CTIF: variants seen among roughly 807,000 people sequenced by gnomAD.
CTIF encodes the protein CBP80/20-dependent translation initiation factor.
CTIF carries 21 observed loss-of-function variants against 66.0 expected under a neutral mutation model. The observed-to-expected ratio is 0.32, with a 90% CI of 0.23 to 0.46. The LOEUF (loss-of-function observed/expected upper bound fraction) is 0.46, where lower values mean the gene tolerates loss of function less well. Ranked by LOEUF, CTIF falls within the 20% of genes least tolerant of loss-of-function variation. The pLI, the probability that CTIF is intolerant of heterozygous loss-of-function variation, is 1.00. For synonymous variants in CTIF, 345 were observed against 326.4 expected, an observed-to-expected ratio of 1.06 and a Z score of -0.62; for missense variants, 739 against 812.7, an observed-to-expected ratio of 0.91 and a Z score of 1.10.
intron 6 of CTIF, among the ~76,000 whole-genome samples, chr18:48,709,508 C>T (rs1462956211): frequency 6.6e-6 from 1 of 152,232 alleles, no homozygotes; most frequent in African/African-American, 2.4e-5. Context: ...GCTCGTGTTA[C>T]ACTAGGGGCT....
rs969210918 is a variant in CTIF, at chr18:48,594,823, C to T, written c.-28-24715C>T. 2.0e-5 allele frequency among the ~76,000 whole-genome samples: 3 copies of T among 152,244 alleles called. No individual in the cohort carries two copies. In the East Asian group the frequency reaches 5.8e-4, roughly 29 times the overall value. On this transcript the variant is annotated intron_variant, in intron 1 of 11. Coordinates refer to ENST00000256413, the MANE Select transcript of CTIF (RefSeq NM_014772.3). ...GAGAACTGCCCCGCTTGGGCCTCCT[C>T]CTCACCTGGTGCGTTCAGTCAGGCT...
rs989793810 is a variant in CTIF at position 48,860,313 on chromosome 18, G to A, written c.*754G>A. On this transcript the variant is annotated 3_prime_UTR_variant, in exon 12 of 12. Coordinates refer to ENST00000256413, the MANE Select transcript of CTIF (RefSeq NM_014772.3). ...GTCTCTTTGGCCAATGAAAATGCCCGTGATGTGATCACACAGTCAGCACTG... is the reference window on the plus strand; with the variant it reads ...GTCTCTTTGGCCAATGAAAATGCCCATGATGTGATCACACAGTCAGCACTG... The A allele has an allele frequency of 3.6e-6, 1 of 280,432 alleles. No homozygotes were observed. The highest frequency in any genetic ancestry group is 3.8e-5 in the South Asian group (1 of 26,268). The allele number at this position is 280,432 out of a possible 1,614,324, so 17.4% of individuals were successfully genotyped here.
At chr18:48,632,759 G>C (rs1268856563) in intron 2 of CTIF, among the ~76,000 whole-genome samples, 1 of 152,022 alleles carries the variant, frequency 6.6e-6, no homozygotes, top group Admixed American at 6.5e-5. Flanking sequence ...CCCCTGCCGA[G>C]AGCACACTCT....
chr18:48,637,461 T>G (rs961612327), intron 3 of CTIF, among the ~76,000 whole-genome samples: 1 of 152,184 alleles, frequency 6.6e-6, no homozygotes, highest in African/African-American at 2.4e-5. Flanking sequence ...AGCCTCCGAC[T>G]ATGCCTGTCT....
chr18:48,586,413 G>A (rs2089770034), intron 1 of CTIF, among the ~76,000 whole-genome samples: 1 of 151,952 alleles, frequency 6.6e-6, no homozygotes, highest in Admixed American at 6.6e-5. Flanking sequence ...TGGGATTACA[G>A]GCGTATGCCA....
chr18:48,762,533 G>A (rs1302922078), intron 9 of CTIF, among the ~76,000 whole-genome samples: 1 of 152,204 alleles, frequency 6.6e-6, no homozygotes, highest in Non-Finnish European at 1.5e-5. Flanking sequence ...TCTTGGCTGG[G>A]GGAGAGCCAT....
intron 9 of CTIF, among the ~76,000 whole-genome samples, chr18:48,811,291 C>T (rs1291007222): frequency 6.6e-6 from 1 of 152,114 alleles, no homozygotes; most frequent in Non-Finnish European, 1.5e-5. Context: ...AATAAGTCTA[C>T]CTGGTTGTAG....
intron 1 of CTIF, among the ~76,000 whole-genome samples, chr18:48,560,882 A>T (rs755227274): frequency 6.6e-6 from 1 of 152,116 alleles, no homozygotes; most frequent in Non-Finnish European, 1.5e-5. Context: ...ATCCTTCCTT[A>T]TTACAGACCT....
At chr18:48,652,592 C>G (rs2091176684) in intron 3 of CTIF, among the ~76,000 whole-genome samples, 1 of 152,004 alleles carries the variant, frequency 6.6e-6, no homozygotes, top group Non-Finnish European at 1.5e-5. Context: ...TGAAACTATT[C>G]CAATCGAAAA....
At position 48,859,921 on chromosome 18, in the gene CTIF, CA is replaced by C. The variant is rs2069423585; in HGVS notation, c.*363del. 2.0e-6 allele frequency: 1 copy of C among 496,108 alleles called. No homozygotes were observed. Among genetic ancestry groups the C allele is most frequent in the African/African-American group, 1.9e-5 (1 of 51,750 alleles). The allele number at this position is 496,108 out of a possible 1,614,324, so 30.7% of individuals were successfully genotyped here. A position where few individuals can be genotyped will look rare whatever the true frequency, so the allele number is the denominator to read the frequency against. Reference sequence around the variant, plus strand: ...CGCTGTGACTCCTCGGAGACCTTGGCAGCCTCGCACGCCGGGGCACCGCTTG... The same window carrying C: ...CGCTGTGACTCCTCGGAGACCTTGGCGCCTCGCACGCCGGGGCACCGCTTG... On this transcript the variant is annotated 3_prime_UTR_variant, in exon 12 of 12. Transcript: ENST00000256413.
chr18:48,644,052 G>A (rs886428036), intron 3 of CTIF, among the ~76,000 whole-genome samples: 34 of 152,110 alleles, frequency 2.2e-4, no homozygotes, highest in Admixed American at 6.5e-5. Flanking sequence ...TCCAGCTGAC[G>A]GTTTTTATTT....
chr18:48,688,812 G>A (rs1032444168), intron 6 of CTIF, among the ~76,000 whole-genome samples: 1 of 152,248 alleles, frequency 6.6e-6, no homozygotes, highest in Non-Finnish European at 1.5e-5. Context: ...CATCAAGTAG[G>A]TGTCTTTGAA....
intron 9 of CTIF, among the ~76,000 whole-genome samples, chr18:48,763,307 G>C (rs1010628614): frequency 8.5e-5 from 13 of 152,260 alleles, no homozygotes; most frequent in African/African-American, 3.1e-4. Flanking sequence ...GGGGAGGGCA[G>C]CTGGCTGCAG....
chr18:48,592,736 G>T (rs1192970379), intron 1 of CTIF, among the ~76,000 whole-genome samples: 1 of 152,240 alleles, frequency 6.6e-6, no homozygotes, highest in Non-Finnish European at 1.5e-5. Context: ...CCTCTGCCTG[G>T]CAGTGCTGAG....
chr18:48,615,856 G>A (rs2090389956), intron 1 of CTIF, among the ~76,000 whole-genome samples: 1 of 152,226 alleles, frequency 6.6e-6, no homozygotes, highest in South Asian at 2.1e-4. Flanking sequence ...TAGAAGGAAT[G>A]GCCGAGAGGA....
At chr18:48,665,210 G>A (rs1224367916) in intron 5 of CTIF, among the ~76,000 whole-genome samples, 2 of 152,208 alleles carry the variant, frequency 1.3e-5, no homozygotes, top group Non-Finnish European at 2.9e-5. Context: ...CACCGCGCCC[G>A]GCCTGAGGCT....
intron 10 of CTIF, among the ~76,000 whole-genome samples, chr18:48,836,311 C>T (rs1328236037): frequency 1.3e-5 from 2 of 152,160 alleles, no homozygotes; most frequent in Admixed American, 1.3e-4. Flanking sequence ...AGGCCCTGGG[C>T]TGCCCTTCAG....
Position 48,623,815 on chromosome 18 carries a change from G to A in CTIF, c.180+4070G>A, listed in dbSNP as rs75771127. Among the ~76,000 whole-genome samples, 801 of 152,170 alleles carry A rather than the reference G, an allele frequency of 5.3e-3. 5 individuals are homozygous for A. Among genetic ancestry groups the A allele is most frequent in the Middle Eastern group, 0.031 (9 of 294 alleles). On this transcript the variant is annotated intron_variant, in intron 2 of 11. Transcript: ENST00000256413. ...ATGTTTGTACACTTGTGTTCCTCTC[G>A]TCCTTCCCAGTAACAACTAGAAAGA...
intron 10 of CTIF, among the ~76,000 whole-genome samples, chr18:48,843,011 G>A (rs373202296): frequency 2.0e-5 from 3 of 152,258 alleles, no homozygotes; most frequent in South Asian, 4.1e-4. Context: ...CTTGCCCGGG[G>A]TCCCAGCCTG....
Sources: allele counts gnomAD v4.1 joint callset (sites outside exome capture counted in the v4.1 genomes callset), GRCh38; gene constraint gnomAD v4.1.1; transcripts MANE v1.5; gene names NCBI Gene and HGNC (gene_info 2026-07-23, HGNC 2026-07-21).